Variants in ZNF445 observed in about 807,000 individuals in gnomAD.
ZNF445 encodes the protein zinc finger protein 445, also known as zinc finger protein 168.
A neutral mutation model predicts 93.9 loss-of-function variants in ZNF445; 19 were observed. That is an observed-to-expected ratio of 0.20 (90% CI 0.14 to 0.30). The LOEUF is 0.30. ZNF445 is among the 10% of genes least tolerant of loss of function. ZNF445 has a pLI of 1.00. For missense variants in ZNF445, 1,058 were observed against 1,259.4 expected (o/e 0.84, Z 2.42); for synonymous variants, 449 against 446.3 (o/e 1.01, Z -0.08).
chr3:44,453,460 A>C (rs1414112908), intron 3 of ZNF445, among the ~76,000 whole-genome samples: 2 of 151,748 alleles, frequency 1.3e-5, no homozygotes, highest in Non-Finnish European at 2.9e-5. Context: ...ACACCCGGCT[A>C]ATTTCTGCCC....
rs570855676 is a variant in ZNF445 at position 44,467,730 on chromosome 3, C to T, written c.-268-9366G>A. On this transcript the variant is annotated intron_variant, in intron 1 of 7. Transcript: ENST00000396077. ...ACTTTATGCAAATAATCAGGCCAAG[C>T]ACAGTAAGGCTAAAGTTTATTTTGT... 3.9e-3 allele frequency among the ~76,000 whole-genome samples: 588 copies of T among 152,226 alleles called. 2 individuals carry two copies. Among genetic ancestry groups the T allele is most frequent in the African/African-American group, 0.013 (531 of 41,546 alleles).
At position 44,451,379 on chromosome 3, in the gene ZNF445, G is replaced by A; in HGVS notation, c.533C>T (p.Ala178Val). ...SLASPLRSSS[A>V]LGDHLEPPYE... is the part of the protein sequence containing the mutation. The stretch of plus-strand genomic sequence containing the variant: ...GGGAGGCTCCAGGTGGTCCCCCAGA[G>A]CAGAGCTGCTCCTGAGAGGTGAAGC... The change falls in exon 4 of 8, where the codon GCT (alanine) becomes GTT (valine). Residue 178 changes from alanine to valine, a missense_variant. By Grantham distance (64) the Ala-to-Val change is moderately conservative (BLOSUM62 0). Transcript: ENST00000396077. The A allele has an allele frequency of 6.2e-7, 1 of 1,614,202 alleles. No individual in the cohort carries two copies. The highest frequency in any genetic ancestry group is 8.5e-7 in the Non-Finnish European group (1 of 1,180,042).
At position 44,464,687 on chromosome 3, in the gene ZNF445, G is replaced by A. The variant is rs545909526; in HGVS notation, c.-268-6323C>T. 2.0e-5 allele frequency among the ~76,000 whole-genome samples: 3 copies of A among 152,274 alleles called. No individual in the cohort carries two copies. The South Asian group carries it at 6.2e-4, about 32-fold the overall frequency. On this transcript the variant is annotated intron_variant, in intron 1 of 7. Transcript: ENST00000396077. ...TCAATTTACCTATTTTGGAGCATTA[G>A]ATTACAGATAAGGCCTTGGGACATA...
intron 3 of ZNF445, among the ~76,000 whole-genome samples, chr3:44,453,973 T>A (rs1208627490): frequency 6.6e-6 from 1 of 152,042 alleles, no homozygotes; most frequent in Non-Finnish European, 1.5e-5. Context: ...CTCATGACCA[T>A]CTTCCCTGCC....
In ZNF445 at chr3:44,438,030, C is replaced by G. The variant is rs1049885909; in HGVS notation, c.*8545G>C. On this transcript the variant is annotated 3_prime_UTR_variant, in exon 8 of 8. Transcript: ENST00000396077. ...CTGACACTTTTACCCAGCCCCTATT[C>G]AACATGGAGTTGCTCTCGTTCCAAT... 1 of 152,626 alleles carries G rather than the reference C, an allele frequency of 6.6e-6. No homozygotes were observed. Among genetic ancestry groups the G allele is most frequent in the Non-Finnish European group, 1.5e-5 (1 of 68,022 alleles). 9.5% of individuals were successfully genotyped at this position (152,626 alleles called of 1,614,324 possible).
chr3:44,475,575 T>C (rs1246392753), intron 1 of ZNF445, among the ~76,000 whole-genome samples: 1 of 152,174 alleles, frequency 6.6e-6, no homozygotes, highest in African/African-American at 2.4e-5. Context: ...TATCTACCAA[T>C]TTGGATTCCT....
In ZNF445 at chr3:44,433,700, T is replaced by C. The variant is rs1697611127; in HGVS notation, c.*12875A>G. The C allele has an allele frequency of 6.6e-6, 1 of 152,232 alleles. No homozygotes were observed. Among genetic ancestry groups the C allele is most frequent in the Non-Finnish European group, 1.5e-5 (1 of 68,068 alleles). 9.4% of individuals were successfully genotyped at this position (152,232 alleles called of 1,614,324 possible). On this transcript the variant is annotated 3_prime_UTR_variant, in exon 8 of 8. Coordinates refer to ENST00000396077, the MANE Select transcript of ZNF445 (RefSeq NM_181489.6). ...GGAAAGTGGAGAACCATCAGCTCACTTTCCCTCACGCCATGGCAAAAGCAT... is the reference window on the plus strand; with the variant it reads ...GGAAAGTGGAGAACCATCAGCTCACCTTCCCTCACGCCATGGCAAAAGCAT...
rs1697623787 is a variant in ZNF445, at chr3:44,434,137, G to C, written c.*12438C>G. 6.6e-6 allele frequency: 1 copy of C among 152,024 alleles called. No homozygotes were observed. Among genetic ancestry groups the C allele is most frequent in the Non-Finnish European group, 1.5e-5 (1 of 68,026 alleles). 9.4% of individuals were successfully genotyped at this position (152,024 alleles called of 1,614,324 possible). ...TGGAAAGAGAGAGAAAAAGGGCCTG[G>C]CTTGGTGGCTCACTTCTGTAATCCC... On this transcript the variant is annotated 3_prime_UTR_variant, in exon 8 of 8. Transcript: ENST00000396077.
Position 44,457,646 on chromosome 3 carries a change from C to T in ZNF445, c.-148+598G>A, listed in dbSNP as rs77718796. Among the ~76,000 whole-genome samples, 355 of 152,222 alleles carry T rather than the reference C, an allele frequency of 2.3e-3. 4 individuals are homozygous for T. The highest frequency in any genetic ancestry group is 8.2e-3 in the African/African-American group (341 of 41,540). On this transcript the variant is annotated intron_variant, in intron 2 of 7. Coordinates refer to ENST00000396077, the MANE Select transcript of ZNF445 (RefSeq NM_181489.6). The stretch of plus-strand genomic sequence containing the variant: ...ACCAAATGTTGCTGGAGCAATTGGA[C>T]ATCTAAAAGCAAAATAAGGAAAACT...
At chr3:44,462,327 G>A (rs886471841) in intron 1 of ZNF445, among the ~76,000 whole-genome samples, 2 of 152,110 alleles carry the variant, frequency 1.3e-5, no homozygotes. Context: ...CTTTCTCTTG[G>A]TTTCCGCCAT....
chr3:44,474,775 C>G (rs996509990), intron 1 of ZNF445, among the ~76,000 whole-genome samples: 1 of 152,126 alleles, frequency 6.6e-6, no homozygotes, highest in Admixed American at 6.5e-5. Flanking sequence ...TCCAAGATAG[C>G]AACTTGAGAC....
chr3:44,455,785 G>C, intron 2 of ZNF445, 89 bp from the exon 3 acceptor site: 1 of 483,480 alleles, frequency 2.1e-6, no homozygotes, highest in South Asian at 3.6e-5. Context: ...TATATAAGAA[G>C]AGCGTTTGCA....
intron 1 of ZNF445, among the ~76,000 whole-genome samples, chr3:44,460,384 T>C (rs946497674): frequency 6.6e-6 from 1 of 152,220 alleles, no homozygotes; most frequent in Admixed American, 6.5e-5. Context: ...TAGATTGCCT[T>C]TGTAGGACTA....
chr3:44,451,502 G>GT lies in ZNF445; in HGVS notation c.430-21dup. On this transcript the variant is annotated intron_variant, in intron 3 of 7. Coordinates refer to ENST00000396077, the MANE Select transcript of ZNF445 (RefSeq NM_181489.6). Reference sequence around the variant, plus strand: ...CGGGTCCTGGCAAGAAGAAAATGTTGTGAGAGGATCTTTCTGGGAATCAGA... The same window carrying GT: ...CGGGTCCTGGCAAGAAGAAAATGTTGTTGAGAGGATCTTTCTGGGAATCAGA... 6.3e-7 allele frequency: 1 copy of GT among 1,588,904 alleles called. No homozygotes were observed. The highest frequency in any genetic ancestry group is 1.1e-5 in the South Asian group (1 of 89,882).
intron 1 of ZNF445, among the ~76,000 whole-genome samples, chr3:44,460,247 T>A (rs1374727298): frequency 6.6e-6 from 1 of 152,202 alleles, no homozygotes; most frequent in East Asian, 1.9e-4. Context: ...TCCATCTTGC[T>A]TCTAGCCTCC....
rs199826451 is a variant in ZNF445, at chr3:44,447,923, C to T, written c.1748G>A (p.Gly583Glu). The T allele has an allele frequency of 2.7e-5, 44 of 1,613,504 alleles. No homozygotes were observed. Among genetic ancestry groups the T allele is most frequent in the South Asian group, 2.2e-4 (20 of 91,066 alleles). Residue 583 changes from glycine to glutamate, a missense_variant, in exon 8 of 8, where the codon GGG (glycine) becomes GAG (glutamate). By Grantham distance (98) the Gly-to-Glu change is moderately conservative. Around this residue, in one of 3 missense-constraint regions of ZNF445, gnomAD observed 657 missense variants for 746.4 expected, o/e 0.88. Coordinates refer to ENST00000396077, the MANE Select transcript of ZNF445 (RefSeq NM_181489.6). This position sits in a 1 kb window ranked among gnomAD's most constrained non-coding sequence, Gnocchi z 4.7. ...TTGGTCTCCCAAATGATGATCAAAC[C>T]CTGAGCTGTAGGTGAGAGCTGCCCT... ...QYRAALTYSSGFDHHLGDQSG... is the reference protein window; with the variant it reads ...QYRAALTYSSEFDHHLGDQSG...
chr3:44,456,206 A>C (rs1282596235), intron 2 of ZNF445, among the ~76,000 whole-genome samples: 1 of 152,172 alleles, frequency 6.6e-6, no homozygotes, highest in African/African-American at 2.4e-5. Flanking sequence ...GCCTGAGCTC[A>C]GGAGTTCGAG....
At chr3:44,450,652 G>A (rs1465652315) in intron 5 of ZNF445, 79 bp from the exon 6 acceptor site, 5 of 1,557,576 alleles carry the variant, frequency 3.2e-6, no homozygotes, top group Non-Finnish European at 4.3e-6. Context: ...GAATAAACTG[G>A]CTCTGTGTGA....
Position 44,432,311 on chromosome 3 carries a change from A to C in ZNF445, c.*14264T>G, listed in dbSNP as rs1364467611. 8.9e-6 allele frequency: 1 copy of C among 112,814 alleles called. No individual in the cohort carries two copies. The highest frequency in any genetic ancestry group is 8.5e-5 in the Admixed American group (1 of 11,720). The allele number at this position is 112,814 out of a possible 1,614,324, so 7.0% of individuals were successfully genotyped here. ...TGTGTGTGTGTGTGTGTGTGTGTGG[A>C]TGGAGATAGAGAGAGAGGGATTTAT... is the stretch of plus-strand genomic sequence containing the variant. On this transcript the variant is annotated 3_prime_UTR_variant, in exon 8 of 8. Transcript: ENST00000396077.
Sources: gnomAD v4.1 joint callset for allele counts (sites outside exome capture counted in the v4.1 genomes callset) on GRCh38, gnomAD v4.1.1 for gene constraint, gnomAD v4.1.1 regional missense constraint, Gnocchi (gnomAD v3.1) non-coding constraint, MANE v1.5 for transcripts, NCBI Gene and HGNC (gene_info 2026-07-23, HGNC 2026-07-21) for gene names.